Variants in EXT2 observed in about 807,000 individuals in gnomAD.
EXT2 encodes the protein exostosin glycosyltransferase 2, also known as exostosin-2.
Under a neutral mutation model 81.6 loss-of-function variants are expected in EXT2, and 53 were observed. That is an observed-to-expected ratio of 0.65 (90% CI 0.52 to 0.82). The LOEUF is 0.82. Among genes scored for constraint, EXT2 ranks in the 40% least tolerant of loss-of-function variants. EXT2 has a pLI of 0.00. For synonymous variants in EXT2, 320 were observed against 340.0 expected, an observed-to-expected ratio of 0.94 and a Z score of 0.65; for missense variants, 774 against 910.2, an observed-to-expected ratio of 0.85 and a Z score of 1.93.
intron 7 of EXT2, among the ~76,000 whole-genome samples, chr11:44,161,506 TAA>T (rs71947801): frequency 1.4e-5 from 2 of 146,362 alleles, no homozygotes. Flanking sequence ...CCCTGGCTCT[TAA>T]AAAAAAAAAA....
In EXT2 at chr11:44,248,285, C is replaced by T. The variant is rs1956112264; in HGVS notation, c.*3998C>T. On this transcript the variant is annotated 3_prime_UTR_variant, in exon 14 of 14. Transcript: ENST00000533608. The stretch of plus-strand genomic sequence containing the variant: ...GGCCCCATGTCTCCTCCAGCCACTT[C>T]CTGAGGAGCAGTTCTGGCAGGAGTG... 1.3e-5 allele frequency among the ~76,000 whole-genome samples: 2 copies of T among 152,184 alleles called. No individual in the cohort carries two copies. Among genetic ancestry groups the T allele is most frequent in the South Asian group, 2.1e-4 (1 of 4,818 alleles).
At chr11:44,186,661 G>A (rs1443443126) in intron 8 of EXT2, among the ~76,000 whole-genome samples, 1 of 152,170 alleles carries the variant, frequency 6.6e-6, no homozygotes, top group African/African-American at 2.4e-5. Context: ...GCATTCAAAT[G>A]GGTTTAACCT....
chr11:44,251,085 C>T lies in EXT2; in HGVS notation c.*6798C>T, dbSNP rs896032949. Among the ~76,000 whole-genome samples the T allele has an allele frequency of 1.3e-5, 2 of 152,184 alleles. No individual in the cohort carries two copies. The highest frequency in any genetic ancestry group is 2.4e-5 in the African/African-American group (1 of 41,446). ...GGATATAGTTCCAATAATTTTTTTCCTAACAGCCTTTTTGTCACCAGTTGG... is the reference window on the plus strand; with the variant it reads ...GGATATAGTTCCAATAATTTTTTTCTTAACAGCCTTTTTGTCACCAGTTGG... On this transcript the variant is annotated 3_prime_UTR_variant, in exon 14 of 14. Coordinates refer to ENST00000533608, the MANE Select transcript of EXT2 (RefSeq NM_207122.2).
chr11:44,144,375 T>C, intron 7 of EXT2: 1 of 1,537,586 alleles, frequency 6.5e-7, no homozygotes, highest in Non-Finnish European at 8.9e-7. Context: ...CCAGCAGAAA[T>C]GAATCTCTAG....
chr11:44,211,036 A>G (rs1210197469), intron 10 of EXT2, among the ~76,000 whole-genome samples: 2 of 152,214 alleles, frequency 1.3e-5, no homozygotes, highest in Admixed American at 1.3e-4. Context: ...CAGGACTTAC[A>G]CTCCTTATTT....
chr11:44,164,770 A>G (rs1052713344), intron 7 of EXT2, among the ~76,000 whole-genome samples: 7 of 151,904 alleles, frequency 4.6e-5, no homozygotes, highest in African/African-American at 1.7e-4. Flanking sequence ...TCAAGGTTAT[A>G]TTGGTGTGAC....
At position 44,171,583 on chromosome 11, in the gene EXT2, A is replaced by G. The variant is rs780810022; in HGVS notation, c.1174-28A>G. The G allele has an allele frequency of 6.2e-6, 10 of 1,614,098 alleles. No homozygotes were observed. In the Admixed American group the frequency reaches 1.2e-4, roughly 19 times the overall value. ...TTTTCCCACTCTGTCTCGCTTGCTC[A>G]CTTAAAACAGCATTATTTTCTTTAT... On this transcript the variant is annotated intron_variant, in intron 7 of 13. Transcript: ENST00000533608.
intron 4 of EXT2, among the ~76,000 whole-genome samples, chr11:44,116,997 T>G (rs1483514101): frequency 6.6e-6 from 1 of 151,410 alleles, no homozygotes; most frequent in East Asian, 1.9e-4. Flanking sequence ...GAGACGGAGT[T>G]TTGCTCTTGT....
chr11:44,216,048 T>C (rs1010852525), intron 10 of EXT2, among the ~76,000 whole-genome samples: 1 of 151,492 alleles, frequency 6.6e-6, no homozygotes, highest in Admixed American at 6.6e-5. Context: ...GGCTAATTTT[T>C]TGTATTTTTA....
chr11:44,230,417 A>G (rs905279213), intron 10 of EXT2, among the ~76,000 whole-genome samples: 5 of 152,194 alleles, frequency 3.3e-5, no homozygotes, highest in African/African-American at 1.2e-4. Flanking sequence ...TGGGAGCGAT[A>G]TTATGGGTTG....
rs530523884 is a variant in EXT2 at position 44,171,645 on chromosome 11, T to C, written c.1208T>C (p.Ile403Thr). ...RWFWEAYFQSIKAIALATLQI... is the reference protein window; with the variant it reads ...RWFWEAYFQSTKAIALATLQI... ...TTCTGGGAAGCGTACTTCCAGTCAA[T>C]TAAAGCCATTGCCCTGGCCACCCTG... The change falls in exon 8 of 14, where the codon ATT becomes ACT. Residue 403 changes from isoleucine to threonine, a missense_variant. Ile to Thr is a moderately conservative substitution (Grantham distance 89). Transcript: ENST00000533608. 232 of 1,614,158 alleles carry C rather than the reference T, an allele frequency of 1.4e-4. 2 individuals are homozygous for C. In the South Asian group the frequency reaches 2.3e-3, roughly 16 times the overall value.
At chr11:44,143,519 G>T (rs985088349) in intron 7 of EXT2, among the ~76,000 whole-genome samples, 3 of 152,174 alleles carry the variant, frequency 2.0e-5, no homozygotes, top group Non-Finnish European at 2.9e-5. Flanking sequence ...ATGAGAAGGG[G>T]CAAGGAGAAA....
At chr11:44,106,565 T>C (rs576540694) in intron 1 of EXT2, among the ~76,000 whole-genome samples, 6 of 152,370 alleles carry the variant, frequency 3.9e-5, no homozygotes, top group African/African-American at 1.4e-4. Context: ...TTTGCTTTCA[T>C]CTTTGTTTTC....
chr11:44,232,691 A>G (rs1955913682), intron 11 of EXT2, among the ~76,000 whole-genome samples, 195 bp downstream of exon 11: 1 of 152,254 alleles, frequency 6.6e-6, no homozygotes, highest in Non-Finnish European at 1.5e-5. Context: ...TGAAAATAGA[A>G]TGAAGAAAAG....
At position 44,246,321 on chromosome 11, in the gene EXT2, C is replaced by T. The variant is rs1027887846; in HGVS notation, c.*2034C>T. The stretch of plus-strand genomic sequence containing the variant: ...AAATTTCTGCCCTTTTGCTCATCAT[C>T]GAATGCACTACCTTAGTGGCTGGTT... On this transcript the variant is annotated 3_prime_UTR_variant, in exon 14 of 14. Coordinates refer to ENST00000533608, the MANE Select transcript of EXT2 (RefSeq NM_207122.2). Among the ~76,000 whole-genome samples, 6 of 152,148 alleles carry T rather than the reference C, an allele frequency of 3.9e-5. No individual in the cohort carries two copies. The highest frequency in any genetic ancestry group is 3.8e-4 in the East Asian group (2 of 5,202).
At chr11:44,117,744 T>A (rs747569153) in intron 4 of EXT2, among the ~76,000 whole-genome samples, 1 of 152,224 alleles carries the variant, frequency 6.6e-6, no homozygotes, top group Non-Finnish European at 1.5e-5. Flanking sequence ...ATGTAAGTTC[T>A]CCAACTTTGT....
At chr11:44,120,797 G>A (rs1954304676) in intron 4 of EXT2, among the ~76,000 whole-genome samples, 1 of 152,306 alleles carries the variant, frequency 6.6e-6, no homozygotes, top group South Asian at 2.1e-4. Context: ...GCCTCAGCTG[G>A]AATTCTTGTC....
At chr11:44,235,409 T>A (rs1955951171) in intron 12 of EXT2, among the ~76,000 whole-genome samples, 3 of 148,574 alleles carry the variant, frequency 2.0e-5, no homozygotes. Context: ...GTCCGGCTAA[T>A]TTTTTTTTTG....
chr11:44,138,382 A>G (rs528702060), intron 7 of EXT2, among the ~76,000 whole-genome samples: 3 of 152,264 alleles, frequency 2.0e-5, no homozygotes, highest in Non-Finnish European at 2.9e-5. Context: ...AGTTGCAGTA[A>G]TCTTGAGAAT....
Sources: gnomAD v4.1 joint callset for allele counts (sites outside exome capture counted in the v4.1 genomes callset) on GRCh38, gnomAD v4.1.1 for gene constraint, MANE v1.5 for transcripts, NCBI Gene and HGNC (gene_info 2026-07-23, HGNC 2026-07-21) for gene names.